SMPD3: variants seen among roughly 807,000 people sequenced by gnomAD.
The protein encoded by SMPD3 is sphingomyelin phosphodiesterase 3.
A neutral mutation model predicts 55.7 loss-of-function variants in SMPD3; 21 were observed. The ratio of observed to expected loss-of-function variants is 0.38; its 90% CI spans 0.27 to 0.54. SMPD3 has a LOEUF of 0.54. Ranked by LOEUF, SMPD3 falls within the 20% of genes least tolerant of loss-of-function variation. The probability of loss-of-function intolerance (pLI) is 0.80; values close to 1 mark genes in which losing one functional copy is unlikely to be tolerated. For synonymous variants in SMPD3, 457 were observed against 404.3 expected, an observed-to-expected ratio of 1.13 and a Z score of -1.56; for missense variants, 842 against 899.6, an observed-to-expected ratio of 0.94 and a Z score of 0.82.
intron 1 of SMPD3, among the ~76,000 whole-genome samples, chr16:68,406,069 A>G (rs1191399634): frequency 6.6e-6 from 1 of 151,914 alleles, no homozygotes; most frequent in Admixed American, 6.6e-5. Context: ...TGAACCCCCA[A>G]TGGTCTGATG....
At chr16:68,411,060 G>A (rs576070881) in intron 1 of SMPD3, among the ~76,000 whole-genome samples, 1 of 152,364 alleles carries the variant, frequency 6.6e-6, no homozygotes, top group African/African-American at 2.4e-5. Context: ...AGAGTTTAAG[G>A]AGCCAGCAGG....
chr16:68,416,248 A>G (rs1001672638), intron 1 of SMPD3, among the ~76,000 whole-genome samples: 2 of 152,200 alleles, frequency 1.3e-5, no homozygotes, highest in Non-Finnish European at 2.9e-5. Flanking sequence ...GAAAACTGAC[A>G]TGGGTCATAG....
intron 1 of SMPD3, among the ~76,000 whole-genome samples, chr16:68,446,949 G>T (rs2090614841): frequency 1.3e-5 from 2 of 152,236 alleles, no homozygotes; most frequent in Non-Finnish European, 2.9e-5. Context: ...ATAGTGCCCT[G>T]CCCTGGCTCA....
intron 1 of SMPD3, among the ~76,000 whole-genome samples, chr16:68,406,555 C>T (rs1341032643): frequency 2.0e-5 from 3 of 152,220 alleles, no homozygotes; most frequent in African/African-American, 7.2e-5. Flanking sequence ...GCAGGTCCAG[C>T]TGAGGATTGC....
chr16:68,378,092 CAG>C (rs2089864732), intron 2 of SMPD3, among the ~76,000 whole-genome samples: 1 of 152,238 alleles, frequency 6.6e-6, no homozygotes, highest in Non-Finnish European at 1.5e-5. Flanking sequence ...AGTCCCAGAG[CAG>C]AGAGGCCTCC....
chr16:68,366,335 G>A (rs2089477590), intron 3 of SMPD3, among the ~76,000 whole-genome samples: 1 of 152,204 alleles, frequency 6.6e-6, no homozygotes, highest in South Asian at 2.1e-4. Flanking sequence ...GGTGCCCCTG[G>A]CTTTCTACAG....
At chr16:68,405,941 C>T (rs554016371) in intron 1 of SMPD3, among the ~76,000 whole-genome samples, 1 of 152,238 alleles carries the variant, frequency 6.6e-6, no homozygotes, top group South Asian at 2.1e-4. Context: ...AGGTGGAGCA[C>T]ATTCCTGATG....
intron 1 of SMPD3, among the ~76,000 whole-genome samples, chr16:68,422,381 T>G (rs905923459): frequency 1.3e-5 from 2 of 152,220 alleles, no homozygotes; most frequent in African/African-American, 4.8e-5. Flanking sequence ...ATGTTGGGCC[T>G]GGTTCTCATT....
At chr16:68,365,584 A>G (rs2089454438) in intron 3 of SMPD3, among the ~76,000 whole-genome samples, 1 of 152,048 alleles carries the variant, frequency 6.6e-6, no homozygotes, top group South Asian at 2.1e-4. Flanking sequence ...AGAGGCCCAG[A>G]CCCTGCCCCT....
intron 1 of SMPD3, among the ~76,000 whole-genome samples, chr16:68,417,278 C>T (rs1216220875): frequency 1.2e-4 from 19 of 152,158 alleles, no homozygotes; most frequent in Admixed American, 1.2e-3. Flanking sequence ...CTCCATCTGC[C>T]TGATCCTGCC....
chr16:68,373,520 G>A (rs1156470917), intron 2 of SMPD3, among the ~76,000 whole-genome samples: 1 of 152,112 alleles, frequency 6.6e-6, no homozygotes, highest in Non-Finnish European at 1.5e-5. Context: ...GGCACTTTGG[G>A]GGGTCTGAGC....
chr16:68,445,672 T>C (rs1161942370), intron 1 of SMPD3, among the ~76,000 whole-genome samples: 1 of 152,210 alleles, frequency 6.6e-6, no homozygotes, highest in Non-Finnish European at 1.5e-5. Context: ...TGGGAGTGGA[T>C]ACTTGTGGGA....
chr16:68,368,858 G>A (rs2089568098), intron 3 of SMPD3: 1 of 152,270 alleles, frequency 6.6e-6, no homozygotes, highest in South Asian at 2.1e-4. Context: ...GGTACGGAAT[G>A]TGGCAGGCCT....
chr16:68,404,940 T>A lies in SMPD3; in HGVS notation c.-268-18281A>T, dbSNP rs1249527440. Among the ~76,000 whole-genome samples, 2 of 152,224 alleles carry A rather than the reference T, an allele frequency of 1.3e-5. No individual in the cohort carries two copies. The highest frequency in any genetic ancestry group is 2.9e-5 in the Non-Finnish European group (2 of 68,048). On this transcript the variant is annotated intron_variant, in intron 1 of 8. Transcript: ENST00000219334. The surrounding 1 kb of genome is among the most constrained non-coding windows in gnomAD (Gnocchi z 4.0). ...ATGTGTGCAGACTTGCCAGGCCCTG[T>A]GGGCCAAGCGGATGTAGGACCTGGC...
rs1259060038 is a variant in SMPD3, at chr16:68,364,842, T to G, written c.1464A>C (p.Lys488Asn). ...LLQDWLADFR[K>N]STSSSSAANP... ...TGGCTGCGCTGGACGAGGAGGTAGA[T>G]TTTCGGAAATCAGCCAGCCAGTCCT... is the stretch of plus-strand genomic sequence containing the variant. Residue 488 changes from lysine (K) to asparagine (N), a missense_variant, in exon 5 of 9, where the codon AAA (lysine) becomes AAC (asparagine). By Grantham distance (94) the Lys-to-Asn change is moderately conservative (BLOSUM62 0). Around this residue, in one of 2 missense-constraint regions of SMPD3, gnomAD observed 649 missense variants for 643.6 expected, o/e 1.01. Transcript: ENST00000219334. 2 of 1,613,830 alleles carry G rather than the reference T, an allele frequency of 1.2e-6. No homozygotes were observed.
At chr16:68,445,402 CA>C (rs963878878) in intron 1 of SMPD3, among the ~76,000 whole-genome samples, 1 of 152,198 alleles carries the variant, frequency 6.6e-6, no homozygotes, top group African/African-American at 2.4e-5. Flanking sequence ...GAAACTTGAA[CA>C]AAGACCTTCA....
chr16:68,405,861 G>A (rs752259259), intron 1 of SMPD3, among the ~76,000 whole-genome samples: 1 of 152,178 alleles, frequency 6.6e-6, no homozygotes, highest in African/African-American at 2.4e-5. Flanking sequence ...TCTCAGCTGA[G>A]CCTGATCCCT....
At chr16:68,397,774 G>T (rs72792243) in intron 1 of SMPD3, among the ~76,000 whole-genome samples, 1 of 152,064 alleles carries the variant, frequency 6.6e-6, no homozygotes, top group African/African-American at 2.4e-5. Flanking sequence ...TTGCGGGGGC[G>T]GGGGGTGGTC....
chr16:68,439,179 G>C (rs2090547902), intron 1 of SMPD3, among the ~76,000 whole-genome samples: 1 of 152,156 alleles, frequency 6.6e-6, no homozygotes, highest in Admixed American at 6.5e-5. Flanking sequence ...CTTGCCCAAG[G>C]CCACACATTT....
Sources: gnomAD v4.1 joint callset for allele counts (sites outside exome capture counted in the v4.1 genomes callset) on GRCh38, gnomAD v4.1.1 for gene constraint, gnomAD v4.1.1 regional missense constraint, Gnocchi (gnomAD v3.1) non-coding constraint, MANE v1.5 for transcripts, NCBI Gene and HGNC (gene_info 2026-07-23, HGNC 2026-07-21) for gene names.